CYP7B1: variants seen among roughly 807,000 people sequenced by gnomAD.
CYP7B1 encodes the protein cytochrome P450 family 7 subfamily B member 1.
A neutral mutation model predicts 42.7 loss-of-function variants in CYP7B1; 29 were observed. The ratio of observed to expected loss-of-function variants is 0.68; its 90% CI spans 0.51 to 0.93. The LOEUF (loss-of-function observed/expected upper bound fraction) is 0.93. CYP7B1 is among the 40% of genes least tolerant of loss of function. The pLI is 0.00. For synonymous variants in CYP7B1, 235 were observed against 218.2 expected, an observed-to-expected ratio of 1.08 and a Z score of -0.68; for missense variants, 655 against 600.5, an observed-to-expected ratio of 1.09 and a Z score of -0.95.
chr8:64,767,394 T>C (rs1804113567), intron 1 of CYP7B1, among the ~76,000 whole-genome samples: 1 of 152,152 alleles, frequency 6.6e-6, no homozygotes, highest in South Asian at 2.1e-4. Context: ...GGCGGGACCC[T>C]CCATTAGAAA....
intron 1 of CYP7B1, among the ~76,000 whole-genome samples, chr8:64,750,815 A>G (rs1220853105): frequency 6.6e-6 from 1 of 152,064 alleles, no homozygotes; most frequent in Non-Finnish European, 1.5e-5. Flanking sequence ...GGTTCTCCCA[A>G]TTTCTCCAGA....
chr8:64,656,354 G>C (rs527602603), intron 1 of CYP7B1, among the ~76,000 whole-genome samples: 3 of 152,308 alleles, frequency 2.0e-5, no homozygotes, highest in East Asian at 3.9e-4. Flanking sequence ...AATGTCATGG[G>C]GGGTAGAGAT....
chr8:64,777,280 G>A (rs1375547248), intron 1 of CYP7B1, among the ~76,000 whole-genome samples: 2 of 151,452 alleles, frequency 1.3e-5, no homozygotes, highest in Non-Finnish European at 2.9e-5. Flanking sequence ...CATATAACAT[G>A]AGCACTATTT....
chr8:64,663,073 T>C (rs2129631468), intron 1 of CYP7B1, among the ~76,000 whole-genome samples: 1 of 152,360 alleles, frequency 6.6e-6, no homozygotes, highest in East Asian at 1.9e-4. Context: ...AGCAAGCTTC[T>C]ACATATCATT....
chr8:64,621,619 G>C (rs553417281), intron 2 of CYP7B1, among the ~76,000 whole-genome samples: 1 of 152,306 alleles, frequency 6.6e-6, no homozygotes, highest in South Asian at 2.1e-4. Flanking sequence ...GAGCTGGAAA[G>C]GCTGGTGGAG....
intron 1 of CYP7B1, among the ~76,000 whole-genome samples, chr8:64,721,406 T>C (rs1361364770): frequency 6.6e-6 from 1 of 152,202 alleles, no homozygotes; most frequent in East Asian, 1.9e-4. Context: ...TTTGGTATTA[T>C]TTTGGTCTTA....
intron 1 of CYP7B1, among the ~76,000 whole-genome samples, chr8:64,782,526 C>T (rs1285423244): frequency 6.6e-6 from 1 of 152,116 alleles, no homozygotes; most frequent in Non-Finnish European, 1.5e-5. Flanking sequence ...CTTTCTAATC[C>T]TCCCAGTCTA....
chr8:64,668,909 G>C (rs1331159219), intron 1 of CYP7B1, among the ~76,000 whole-genome samples: 1 of 152,052 alleles, frequency 6.6e-6, no homozygotes, highest in African/African-American at 2.4e-5. Context: ...TATTAAGTAT[G>C]AGTCTATGAA....
chr8:64,762,813 C>A (rs1807909076), intron 1 of CYP7B1, among the ~76,000 whole-genome samples: 1 of 152,192 alleles, frequency 6.6e-6, no homozygotes, highest in Admixed American at 6.5e-5. Flanking sequence ...AGCATATCTT[C>A]TCTACCTATT....
intron 1 of CYP7B1, chr8:64,734,473 C>G (rs1807457553): frequency 6.6e-6 from 1 of 152,200 alleles, no homozygotes; most frequent in African/African-American, 2.4e-5. Flanking sequence ...AAAAGGGAAA[C>G]CAGGCCTACC....
intron 1 of CYP7B1, among the ~76,000 whole-genome samples, chr8:64,764,289 T>G (rs1166065383): frequency 1.5e-5 from 2 of 133,038 alleles, no homozygotes; most frequent in Non-Finnish European, 3.1e-5. Context: ...GGCTCCTTGG[T>G]CAGGGCCTTA....
chr8:64,790,835 G>T (rs1804605505), intron 1 of CYP7B1, among the ~76,000 whole-genome samples: 2 of 152,132 alleles, frequency 1.3e-5, no homozygotes. Context: ...ACCTCAGAAT[G>T]TTATTGTAAT....
At chr8:64,656,592 T>C (rs1353679124) in intron 1 of CYP7B1, among the ~76,000 whole-genome samples, 7 of 152,206 alleles carry the variant, frequency 4.6e-5, no homozygotes, top group Non-Finnish European at 5.9e-5. Flanking sequence ...ACCAGGGACA[T>C]TTCTTATGCA....
At chr8:64,790,963 C>A (rs964781561) in intron 1 of CYP7B1, among the ~76,000 whole-genome samples, 2 of 152,132 alleles carry the variant, frequency 1.3e-5, no homozygotes, top group East Asian at 3.9e-4. Context: ...GACACAGACA[C>A]AAACACAGGG....
At chr8:64,708,552 T>C (rs1342449885) in intron 1 of CYP7B1, among the ~76,000 whole-genome samples, 1 of 152,204 alleles carries the variant, frequency 6.6e-6, no homozygotes, top group African/African-American at 2.4e-5. Context: ...TTTCAGTTTG[T>C]TGCTTTATGT....
chr8:64,649,178 A>G (rs779539195), intron 1 of CYP7B1, among the ~76,000 whole-genome samples: 2 of 152,162 alleles, frequency 1.3e-5, no homozygotes, highest in Non-Finnish European at 2.9e-5. Context: ...GAATCAATAA[A>G]TTAATCAATT....
At chr8:64,659,148 G>A (rs1806163914) in intron 1 of CYP7B1, among the ~76,000 whole-genome samples, 1 of 152,132 alleles carries the variant, frequency 6.6e-6, no homozygotes, top group African/African-American at 2.4e-5. Context: ...ACTGAAATTT[G>A]AACTGTGTTT....
intron 4 of CYP7B1, among the ~76,000 whole-genome samples, chr8:64,610,085 T>G (rs2129630051): frequency 6.6e-6 from 1 of 152,312 alleles, no homozygotes; most frequent in East Asian, 1.9e-4. Flanking sequence ...CACATGTTTC[T>G]CATCCTATTC....
At chr8:64,657,725 A>G (rs1192743676) in intron 1 of CYP7B1, among the ~76,000 whole-genome samples, 1 of 152,234 alleles carries the variant, frequency 6.6e-6, no homozygotes, top group African/African-American at 2.4e-5. Context: ...AATCGCCTCA[A>G]AATAAACATT....
Sources: gnomAD v4.1 joint callset for allele counts (sites outside exome capture counted in the v4.1 genomes callset) on GRCh38, gnomAD v4.1.1 for gene constraint, MANE v1.5 for transcripts, NCBI Gene and HGNC (gene_info 2026-07-23, HGNC 2026-07-21) for gene names.